Variants in BTBD9 observed in about 807,000 individuals in gnomAD.
BTBD9 encodes the protein BTB/POZ domain-containing protein 9.
Under a neutral mutation model 64.3 loss-of-function variants are expected in BTBD9, and 49 were observed. The ratio of observed to expected loss-of-function variants is 0.76; its 90% CI spans 0.61 to 0.97. The LOEUF (loss-of-function observed/expected upper bound fraction) is 0.97, where lower values mean the gene tolerates loss of function less well. Among genes scored for constraint, BTBD9 ranks in the 50% least tolerant of loss-of-function variants. The pLI is 0.00. For synonymous variants in BTBD9, 260 were observed against 274.7 expected (o/e 0.95, Z 0.53); for missense variants, 598 against 762.1 (o/e 0.78, Z 2.53).
intron 7 of BTBD9, among the ~76,000 whole-genome samples, chr6:38,343,246 T>C (rs757156877): frequency 1.3e-5 from 2 of 152,224 alleles, no homozygotes; most frequent in African/African-American, 2.4e-5. Context: ...ACTAGTTCAA[T>C]TTGGACAAAA....
chr6:38,296,098 T>C (rs546165139), intron 7 of BTBD9, among the ~76,000 whole-genome samples: 108 of 152,340 alleles, frequency 7.1e-4, no homozygotes, highest in African/African-American at 2.4e-3. Context: ...TTTCACTGGT[T>C]GATTTGACTA....
chr6:38,221,497 C>T (rs1763193989), intron 9 of BTBD9, among the ~76,000 whole-genome samples: 1 of 152,122 alleles, frequency 6.6e-6, no homozygotes, highest in Admixed American at 6.5e-5. Context: ...TAAATTCCTG[C>T]CCACAAAATG....
At chr6:38,329,553 C>T (rs1379029366) in intron 7 of BTBD9, among the ~76,000 whole-genome samples, 1 of 151,974 alleles carries the variant, frequency 6.6e-6, no homozygotes, top group Non-Finnish European at 1.5e-5. Context: ...AAACTCCTGA[C>T]CTCAAGTGAT....
At chr6:38,506,816 T>G (rs1772544733) in intron 6 of BTBD9, among the ~76,000 whole-genome samples, 2 of 152,230 alleles carry the variant, frequency 1.3e-5, no homozygotes, top group Non-Finnish European at 2.9e-5. Flanking sequence ...CTTAAAATCT[T>G]CCAAAGGCTT....
chr6:38,274,726 A>G (rs1016442407), intron 8 of BTBD9, among the ~76,000 whole-genome samples: 2 of 152,156 alleles, frequency 1.3e-5, no homozygotes, highest in African/African-American at 4.8e-5. Flanking sequence ...CCAGGGATGA[A>G]GCCCACTTGA....
intron 6 of BTBD9, among the ~76,000 whole-genome samples, chr6:38,484,347 C>G (rs148821691): frequency 6.6e-6 from 1 of 152,054 alleles, no homozygotes; most frequent in South Asian, 2.1e-4. Flanking sequence ...AGCAGATGGG[C>G]AAAAGTTCTA....
At chr6:38,191,848 C>A (rs1389305230) in intron 10 of BTBD9, among the ~76,000 whole-genome samples, 1 of 152,184 alleles carries the variant, frequency 6.6e-6, no homozygotes, top group Non-Finnish European at 1.5e-5. Flanking sequence ...TTATAAAACA[C>A]AATTCAAAGG....
At chr6:38,365,109 CAA>C (rs1179692611) in intron 6 of BTBD9, among the ~76,000 whole-genome samples, 1 of 152,084 alleles carries the variant, frequency 6.6e-6, no homozygotes, top group South Asian at 2.1e-4. Flanking sequence ...ATATTTATGA[CAA>C]GTTTTAAAAA....
chr6:38,379,446 G>A (rs1765835739), intron 6 of BTBD9, among the ~76,000 whole-genome samples: 1 of 152,052 alleles, frequency 6.6e-6, no homozygotes, highest in Non-Finnish European at 1.5e-5. Flanking sequence ...ACTAAAATAA[G>A]GGATTAATCC....
rs1466897446 is a variant in BTBD9 at position 38,175,194 on chromosome 6, A to G, written c.1642-12T>C. 6.2e-7 allele frequency: 1 copy of G among 1,614,116 alleles called. No individual in the cohort carries two copies. The highest frequency in any genetic ancestry group is 1.7e-5 in the Admixed American group (1 of 60,020). ...ACACAGTGGAACACCTGGGAGAGAAAAGGAAAAGACCCCATGAGTGAAGGG... is the reference window on the plus strand; with the variant it reads ...ACACAGTGGAACACCTGGGAGAGAAGAGGAAAAGACCCCATGAGTGAAGGG... On this transcript the variant is annotated splice_polypyrimidine_tract_variant and intron_variant, in intron 10 of 10. Transcript: ENST00000481247.
chr6:38,471,847 TG>T (rs1770665667), intron 6 of BTBD9, among the ~76,000 whole-genome samples: 1 of 152,244 alleles, frequency 6.6e-6, no homozygotes, highest in Non-Finnish European at 1.5e-5. Context: ...ATCCAACTTA[TG>T]TTATTTCTGG....
At chr6:38,471,349 G>A (rs1164160296) in intron 6 of BTBD9, among the ~76,000 whole-genome samples, 2 of 152,160 alleles carry the variant, frequency 1.3e-5, no homozygotes, top group Non-Finnish European at 2.9e-5. Context: ...TCAAAGCAAG[G>A]AAGATGAGGT....
At chr6:38,175,228 C>A (rs764145374) in intron 10 of BTBD9, 46 bp from the exon 11 acceptor site, 4 of 1,600,186 alleles carry the variant, frequency 2.5e-6, no homozygotes, top group East Asian at 4.5e-5. Context: ...GGTCAGCATG[C>A]GGCCCTGGAG....
chr6:38,257,980 A>T (rs115090460), intron 8 of BTBD9, among the ~76,000 whole-genome samples: 3,176 of 151,728 alleles, frequency 0.021, 46 homozygotes, highest in Non-Finnish European at 0.027. Context: ...TTAAAAAAAA[A>T]ATATATATGT....
At chr6:38,543,789 C>G (rs1410715941) in intron 6 of BTBD9, among the ~76,000 whole-genome samples, 1 of 152,006 alleles carries the variant, frequency 6.6e-6, no homozygotes, top group Admixed American at 6.5e-5. Context: ...AACCCCGTTT[C>G]TACTAAAAAT....
chr6:38,636,351 A>G (rs1411769119), intron 1 of BTBD9, among the ~76,000 whole-genome samples: 1 of 152,214 alleles, frequency 6.6e-6, no homozygotes, highest in Non-Finnish European at 1.5e-5. Flanking sequence ...TAACCATCTC[A>G]TAAACTCTGA....
intron 1 of BTBD9, among the ~76,000 whole-genome samples, chr6:38,614,309 C>G (rs903149604): frequency 1.3e-5 from 2 of 152,158 alleles, no homozygotes; most frequent in Non-Finnish European, 1.5e-5. Flanking sequence ...ACGGACCTGT[C>G]TTGTTGGTTA....
chr6:38,493,807 A>C (rs944578511), intron 6 of BTBD9, among the ~76,000 whole-genome samples: 1 of 152,256 alleles, frequency 6.6e-6, no homozygotes, highest in Non-Finnish European at 1.5e-5. Context: ...ATCATGCAAC[A>C]AAACAGGGAA....
At chr6:38,213,369 A>C (rs553568551) in intron 9 of BTBD9, among the ~76,000 whole-genome samples, 2 of 152,192 alleles carry the variant, frequency 1.3e-5, no homozygotes, top group African/African-American at 4.8e-5. Flanking sequence ...AGAGCTTAAA[A>C]AAATCTCTGG....
Sources: allele counts gnomAD v4.1 joint callset (sites outside exome capture counted in the v4.1 genomes callset), GRCh38; gene constraint gnomAD v4.1.1; transcripts MANE v1.5; gene names NCBI Gene and HGNC (gene_info 2026-07-23, HGNC 2026-07-21).